The following OPRM1 variants were observed in gnomAD, a reference collection of about 807,000 sequenced individuals.
OPRM1 encodes opioid receptor mu 1, also known as mu-type opioid receptor.
In OPRM1, 27 loss-of-function variants were observed where a neutral mutation model predicts 31.8. That is an observed-to-expected ratio of 0.85 (90% confidence interval 0.63 to 1.17). OPRM1 has a LOEUF of 1.17. Among genes scored for constraint, OPRM1 ranks in the 50% most tolerant of loss-of-function variants. OPRM1 has a pLI of 0.00. For synonymous variants in OPRM1, 196 were observed against 189.9 expected (o/e 1.03, Z -0.26); for missense variants, 536 against 511.1 (o/e 1.05, Z -0.47).
exon 1 of OPRM1, chr6:154,010,592 A>T (rs1326499420): frequency 5.9e-6 from 9 of 1,535,984 alleles, no homozygotes; most frequent in Admixed American, 2.0e-5. Context: ...CTCTGAGCTC[A>T]AAGGAAGTGT....
chr6:154,089,424 A>G (rs1468202681), intron 1 of OPRM1, among the ~76,000 whole-genome samples: 4 of 152,064 alleles, frequency 2.6e-5, no homozygotes, highest in Non-Finnish European at 5.9e-5. Flanking sequence ...CTGTCCCTAC[A>G]AAAGTTTTTT....
chr6:154,101,615 A>G (rs1033026179), intron 3 of OPRM1, among the ~76,000 whole-genome samples: 6 of 152,208 alleles, frequency 3.9e-5, no homozygotes, highest in Admixed American at 3.3e-4. Flanking sequence ...AAATGTTCAC[A>G]GTTCTTCGAA....
chr6:154,245,745 C>A (rs7755471), intron 3 of OPRM1, among the ~76,000 whole-genome samples: 2 of 152,198 alleles, frequency 1.3e-5, no homozygotes, highest in Non-Finnish European at 2.9e-5. Flanking sequence ...GACTCACACT[C>A]TCCTGAGAGC....
At chr6:154,237,994 A>G (rs1356370315) in intron 3 of OPRM1, among the ~76,000 whole-genome samples, 1 of 152,174 alleles carries the variant, frequency 6.6e-6, no homozygotes, top group African/African-American at 2.4e-5. Flanking sequence ...TTAGGATAAA[A>G]GCCATTTTTG....
chr6:154,166,757 A>G (rs144675388), intron 3 of OPRM1, among the ~76,000 whole-genome samples: 15 of 152,300 alleles, frequency 9.8e-5, no homozygotes, highest in African/African-American at 2.4e-4. Flanking sequence ...ACTCACTCAT[A>G]TCAGCTATCA....
downstream of OPRM1, among the ~76,000 whole-genome samples, chr6:154,136,059 C>T (rs78975579): frequency 0.012 from 1,772 of 152,246 alleles, 33 homozygotes; most frequent in African/African-American, 0.041. Context: ...CCTATAAAGG[C>T]GTGATTCGGC....
At chr6:154,011,273 A>C (rs1777712426) in intron 1 of OPRM1, among the ~76,000 whole-genome samples, 1 of 152,146 alleles carries the variant, frequency 6.6e-6, no homozygotes, top group Admixed American at 6.6e-5. Flanking sequence ...TTTTTATGCC[A>C]AATTATGGTT....
At chr6:154,088,342 G>A (rs990596407) in intron 1 of OPRM1, among the ~76,000 whole-genome samples, 1 of 152,006 alleles carries the variant, frequency 6.6e-6, no homozygotes. Context: ...GGACAGGGAG[G>A]GGCAAACAGG....
intron 3 of OPRM1, chr6:154,154,682 T>C (rs1274935793): frequency 6.6e-6 from 1 of 152,358 alleles, no homozygotes; most frequent in Non-Finnish European, 1.5e-5. Flanking sequence ...ACCAGTAGTA[T>C]ATTTCAACTT....
chr6:154,115,449 A>G lies in OPRM1; in HGVS notation c.1165-3234A>G, dbSNP rs1045162470. Reference sequence around the variant, plus strand: ...CAGCTACTCGGGAGACTGAGGTGGGAGAATTGCTTGAGCCTGGGAGGTGGA... The same window carrying G: ...CAGCTACTCGGGAGACTGAGGTGGGGGAATTGCTTGAGCCTGGGAGGTGGA... On this transcript the variant is annotated intron_variant, in intron 3 of 3. Coordinates refer to ENST00000330432, the MANE Select transcript of OPRM1 (RefSeq NM_000914.5). Among the ~76,000 whole-genome samples the G allele has an allele frequency of 1.2e-4, 19 of 152,304 alleles. No homozygotes were observed. In the East Asian group the frequency reaches 3.7e-3, roughly 29 times the overall value.
At chr6:154,191,609 G>C (rs1801892121) in intron 3 of OPRM1, among the ~76,000 whole-genome samples, 1 of 152,036 alleles carries the variant, frequency 6.6e-6, no homozygotes, top group African/African-American at 2.4e-5. Flanking sequence ...AGGAGGTGGA[G>C]GTTGCAGTGA....
chr6:154,114,486 C>T (rs1233913575), intron 3 of OPRM1, among the ~76,000 whole-genome samples: 1 of 151,964 alleles, frequency 6.6e-6, no homozygotes, highest in Non-Finnish European at 1.5e-5. Context: ...GTGTTTTGAC[C>T]CACCTATTGG....
downstream of OPRM1, among the ~76,000 whole-genome samples, chr6:154,133,509 A>G (rs555324889): frequency 6.6e-6 from 1 of 152,374 alleles, no homozygotes; most frequent in Non-Finnish European, 1.5e-5. Flanking sequence ...TCAGGTACAC[A>G]TATGCATGCA....
upstream of OPRM1, among the ~76,000 whole-genome samples, chr6:154,035,100 G>C (rs1185260604): frequency 6.6e-6 from 1 of 152,096 alleles, no homozygotes; most frequent in Non-Finnish European, 1.5e-5. Flanking sequence ...CTTTGAAGTT[G>C]ATTCTCATAT....
Position 154,106,929 on chromosome 6 carries a change from T to G in OPRM1, c.1165-11754T>G, listed in dbSNP as rs532574337. On this transcript the variant is annotated intron_variant, in intron 3 of 3. Transcript: ENST00000330432. ...AAGATGTTTTATTTTACCAATAATCTTTAAAACTGTCTTTATTTCCAAAAT... is the reference window on the plus strand; with the variant it reads ...AAGATGTTTTATTTTACCAATAATCGTTAAAACTGTCTTTATTTCCAAAAT... 1.1e-4 allele frequency among the ~76,000 whole-genome samples: 16 copies of G among 152,328 alleles called. No individual in the cohort carries two copies. In the South Asian group the frequency reaches 2.1e-3, roughly 20 times the overall value.
rs1236842976 is a variant in OPRM1, at chr6:154,129,462, A to G, written c.*10741A>G. On this transcript the variant is annotated 3_prime_UTR_variant, in exon 4 of 4. Coordinates refer to ENST00000330432, the MANE Select transcript of OPRM1 (RefSeq NM_000914.5). ...TGTTGTTTTTACTGAATATGAAACA[A>G]TATAAAACAATGTGAGAGGGTCTTT... is the stretch of plus-strand genomic sequence containing the variant. Among the ~76,000 whole-genome samples the G allele has an allele frequency of 2.0e-5, 3 of 152,190 alleles. No homozygotes were observed. Among genetic ancestry groups the G allele is most frequent in the African/African-American group, 7.2e-5 (3 of 41,458 alleles).
chr6:154,113,597 G>C (rs1000861020), intron 3 of OPRM1, among the ~76,000 whole-genome samples: 21 of 152,318 alleles, frequency 1.4e-4, no homozygotes, highest in African/African-American at 5.1e-4. Context: ...AGAAGCACAT[G>C]AATCAGTATG....
At chr6:154,245,606 A>T (rs78652300) in intron 3 of OPRM1, among the ~76,000 whole-genome samples, 1 of 152,222 alleles carries the variant, frequency 6.6e-6, no homozygotes, top group African/African-American at 2.4e-5. Context: ...AATGACATGC[A>T]TGCCCACGTC....
intron 3 of OPRM1, among the ~76,000 whole-genome samples, chr6:154,228,376 T>TA (rs1779436932): frequency 6.6e-6 from 1 of 152,116 alleles, no homozygotes; most frequent in South Asian, 2.1e-4. Flanking sequence ...CCTGATGTAA[T>TA]AAAAAACTTG....
Sources: gnomAD v4.1 joint callset for allele counts (sites outside exome capture counted in the v4.1 genomes callset) on GRCh38, gnomAD v4.1.1 for gene constraint, MANE v1.5 for transcripts, NCBI Gene and HGNC (gene_info 2026-07-23, HGNC 2026-07-21) for gene names.